ULK4: variants seen among roughly 807,000 people sequenced by gnomAD.
The protein encoded by ULK4 is inactive serine/threonine-protein kinase ULK4.
In ULK4, 133 loss-of-function variants were observed where a neutral mutation model predicts 160.6. The ratio of observed to expected loss-of-function variants is 0.83; its 90% CI spans 0.72 to 0.96. The LOEUF (loss-of-function observed/expected upper bound fraction) is 0.96, where lower values mean the gene tolerates loss of function less well. Among genes scored for constraint, ULK4 ranks in the 40% least tolerant of loss-of-function variants. The pLI, the probability that ULK4 is intolerant of heterozygous loss-of-function variation, is 0.00. For missense variants in ULK4, 1,580 were observed against 1,499.5 expected, an observed-to-expected ratio of 1.05 and a Z score of -0.89; for synonymous variants, 534 against 539.8, an observed-to-expected ratio of 0.99 and a Z score of 0.15.
intron 34 of ULK4, among the ~76,000 whole-genome samples, chr3:41,424,072 G>T (rs185600901): frequency 1.3e-5 from 2 of 152,072 alleles, no homozygotes; most frequent in South Asian, 4.2e-4. Flanking sequence ...TACCATCACC[G>T]CAGCTCCAGT....
At chr3:41,656,046 T>C (rs1187916854) in intron 30 of ULK4, among the ~76,000 whole-genome samples, 1 of 152,142 alleles carries the variant, frequency 6.6e-6, no homozygotes, top group African/African-American at 2.4e-5. Flanking sequence ...CCCATGCAGT[T>C]TTTTTCTGCT....
intron 21 of ULK4, among the ~76,000 whole-genome samples, chr3:41,784,602 A>C (rs1219495494): frequency 6.6e-6 from 1 of 152,182 alleles, no homozygotes; most frequent in Non-Finnish European, 1.5e-5. Context: ...TCTTCTATTA[A>C]GGACATCTAT....
At chr3:41,397,517 C>A (rs146276262) in intron 35 of ULK4, among the ~76,000 whole-genome samples, 2 of 152,060 alleles carry the variant, frequency 1.3e-5, no homozygotes, top group East Asian at 1.9e-4. Context: ...CAAACCTAAT[C>A]GTGAAGAAAC....
chr3:41,331,572 G>C (rs1490188698), intron 35 of ULK4, among the ~76,000 whole-genome samples: 1 of 152,084 alleles, frequency 6.6e-6, no homozygotes, highest in Non-Finnish European at 1.5e-5. Flanking sequence ...ACATCATTTA[G>C]GATTCCTCGG....
intron 34 of ULK4, among the ~76,000 whole-genome samples, chr3:41,445,360 T>C (rs1009298445): frequency 3.9e-5 from 6 of 152,106 alleles, no homozygotes; most frequent in African/African-American, 1.4e-4. Context: ...CTTCACAGAA[T>C]TGGAAAAAAC....
intron 35 of ULK4, among the ~76,000 whole-genome samples, chr3:41,328,728 G>A (rs2080384460): frequency 6.6e-6 from 1 of 152,080 alleles, no homozygotes; most frequent in South Asian, 2.1e-4. Flanking sequence ...TCTCGGGATT[G>A]AACTGATCCC....
chr3:41,769,773 A>G (rs1318861389), intron 21 of ULK4, among the ~76,000 whole-genome samples: 1 of 152,214 alleles, frequency 6.6e-6, no homozygotes, highest in African/African-American at 2.4e-5. Context: ...CCTCTAGTAC[A>G]CATCATAAAG....
chr3:41,576,462 C>T (rs191434772), intron 31 of ULK4, among the ~76,000 whole-genome samples: 63 of 152,302 alleles, frequency 4.1e-4, no homozygotes, highest in Admixed American at 1.2e-3. Flanking sequence ...CCCTGGTACA[C>T]AGTGGTCTCT....
chr3:41,432,175 T>C (rs901961044), intron 34 of ULK4, among the ~76,000 whole-genome samples: 2 of 152,130 alleles, frequency 1.3e-5, no homozygotes, highest in Admixed American at 1.3e-4. Flanking sequence ...TATACATACA[T>C]TGGAAGAGGC....
intron 21 of ULK4, among the ~76,000 whole-genome samples, chr3:41,757,448 C>T (rs1483790231): frequency 2.0e-5 from 3 of 151,704 alleles, no homozygotes; most frequent in African/African-American, 7.3e-5. Flanking sequence ...CTGGCTAACA[C>T]AGTGAAACCC....
chr3:41,458,967 G>A (rs2083618835), intron 33 of ULK4, among the ~76,000 whole-genome samples: 1 of 152,032 alleles, frequency 6.6e-6, no homozygotes, highest in Non-Finnish European at 1.5e-5. Flanking sequence ...TGTTGGCCAG[G>A]CTGCTCTCAA....
chr3:41,861,240 G>A (rs1273257794), intron 17 of ULK4, among the ~76,000 whole-genome samples: 1 of 152,144 alleles, frequency 6.6e-6, no homozygotes, highest in Non-Finnish European at 1.5e-5. Flanking sequence ...AATTACCAGT[G>A]AGTTTTCTAC....
chr3:41,892,484 A>G (rs776727466), intron 16 of ULK4, among the ~76,000 whole-genome samples: 10 of 152,238 alleles, frequency 6.6e-5, no homozygotes, highest in East Asian at 5.8e-4. Flanking sequence ...AAAATGTAGT[A>G]TATGCATACA....
At chr3:41,938,490 T>C (rs1699852146) in intron 2 of ULK4, among the ~76,000 whole-genome samples, 1 of 152,170 alleles carries the variant, frequency 6.6e-6, no homozygotes, top group Non-Finnish European at 1.5e-5. Flanking sequence ...AAGAGCAGCC[T>C]GACCAACGCG....
At chr3:41,286,687 G>A (rs951023906) in intron 35 of ULK4, among the ~76,000 whole-genome samples, 3 of 152,216 alleles carry the variant, frequency 2.0e-5, no homozygotes, top group African/African-American at 7.2e-5. Flanking sequence ...CTCAGGAGTA[G>A]CACCGGAACA....
intron 31 of ULK4, among the ~76,000 whole-genome samples, chr3:41,582,059 G>A (rs2030391971): frequency 6.6e-6 from 1 of 152,168 alleles, no homozygotes; most frequent in Non-Finnish European, 1.5e-5. Context: ...TTGAATTGTA[G>A]TGCCCATAAT....
At chr3:41,874,453 C>T (rs1157238688) in intron 17 of ULK4, among the ~76,000 whole-genome samples, 2 of 152,270 alleles carry the variant, frequency 1.3e-5, no homozygotes, top group Non-Finnish European at 2.9e-5. Flanking sequence ...TGCCAATATT[C>T]TTAAGTCAAT....
At chr3:41,650,304 C>A (rs1019213974) in intron 30 of ULK4, among the ~76,000 whole-genome samples, 3 of 152,218 alleles carry the variant, frequency 2.0e-5, no homozygotes, top group African/African-American at 7.2e-5. Flanking sequence ...CTGAAACACA[C>A]CCCCTGCTCG....
chr3:41,519,650 T>C (rs1559669392), intron 32 of ULK4, among the ~76,000 whole-genome samples: 1 of 152,130 alleles, frequency 6.6e-6, no homozygotes. Context: ...GCCTTAAACA[T>C]AAGACACAGT....
Sources: allele counts gnomAD v4.1 joint callset (sites outside exome capture counted in the v4.1 genomes callset), GRCh38; gene constraint gnomAD v4.1.1; transcripts MANE v1.5; gene names NCBI Gene and HGNC (gene_info 2026-07-23, HGNC 2026-07-21).